Variants in KCNQ5 observed in about 807,000 individuals in gnomAD.
KCNQ5 encodes potassium voltage-gated channel subfamily KQT member 5.
In KCNQ5, 30 loss-of-function variants were observed where a neutral mutation model predicts 98.2. The observed-to-expected ratio is 0.31, with a 90% CI of 0.23 to 0.41. The LOEUF is 0.41. KCNQ5 is among the 10% of genes least tolerant of loss of function. The pLI is 1.00. For synonymous variants in KCNQ5, 458 were observed against 449.4 expected (o/e 1.02, Z -0.24); for missense variants, 835 against 1,182.5 (o/e 0.71, Z 4.31).
At chr6:72,914,922 C>A (rs1388712832) in intron 1 of KCNQ5, among the ~76,000 whole-genome samples, 1 of 152,020 alleles carries the variant, frequency 6.6e-6, no homozygotes, top group African/African-American at 2.4e-5. Flanking sequence ...ACATGCAAAA[C>A]CCAGACCAAA....
chr6:72,963,408 TCA>T (rs569841202), intron 1 of KCNQ5, among the ~76,000 whole-genome samples: 3 of 152,226 alleles, frequency 2.0e-5, no homozygotes, highest in Non-Finnish European at 4.4e-5. Flanking sequence ...TGAACAAACC[TCA>T]GTCTTACTGG....
chr6:73,038,625 A>T (rs1180013411), intron 2 of KCNQ5, among the ~76,000 whole-genome samples: 5 of 150,946 alleles, frequency 3.3e-5, no homozygotes, highest in Non-Finnish European at 5.9e-5. Context: ...AATTTATATG[A>T]TTTTTTTTTA....
intron 11 of KCNQ5, among the ~76,000 whole-genome samples, chr6:73,170,566 C>CCAAA (rs1491195305): frequency 2.2e-3 from 299 of 136,742 alleles, no homozygotes; most frequent in African/African-American, 6.6e-3. Context: ...AACTATATTG[C>CCAAA]AAAAAAAAAA....
chr6:73,015,464 A>G (rs906368668), intron 2 of KCNQ5, among the ~76,000 whole-genome samples: 1 of 152,274 alleles, frequency 6.6e-6, no homozygotes, highest in Admixed American at 6.5e-5. Context: ...AGCTAAAGAT[A>G]ATGATTGTGC....
intron 9 of KCNQ5, among the ~76,000 whole-genome samples, chr6:73,125,915 C>A (rs1239833036): frequency 6.6e-6 from 1 of 152,006 alleles, no homozygotes; most frequent in Non-Finnish European, 1.5e-5. Context: ...ACCTAAGAAA[C>A]GTTTTTGACC....
At chr6:72,766,389 C>T (rs772680084) in intron 1 of KCNQ5, among the ~76,000 whole-genome samples, 16 of 151,798 alleles carry the variant, frequency 1.1e-4, no homozygotes, top group Non-Finnish European at 2.1e-4. Flanking sequence ...CATCGGAAGG[C>T]TTTGAAAAAG....
chr6:73,102,301 C>A (rs528879823), intron 5 of KCNQ5, among the ~76,000 whole-genome samples: 6 of 151,996 alleles, frequency 3.9e-5, no homozygotes, highest in Admixed American at 3.9e-4. Context: ...GAAACTACTA[C>A]AAGAAAACAT....
Position 72,645,063 on chromosome 6 carries a change from G to T in KCNQ5, c.398+22476G>T, listed in dbSNP as rs187874322. 5.0e-3 allele frequency among the ~76,000 whole-genome samples: 767 copies of T among 152,012 alleles called. 8 individuals are homozygous for T. Among genetic ancestry groups the T allele is most frequent in the Non-Finnish European group, 7.6e-3 (518 of 67,956 alleles). On this transcript the variant is annotated intron_variant, in intron 1 of 13. Coordinates refer to ENST00000370398, the MANE Select transcript of KCNQ5 (RefSeq NM_019842.4). ...ATGGCCTGGACTTTGGGTACCTTTT[G>T]TCTGTCAAATACTCTTACTTAGGGG...
chr6:73,198,653 A>G lies in KCNQ5; in HGVS notation c.*3239A>G, dbSNP rs1411519262. On this transcript the variant is annotated 3_prime_UTR_variant, in exon 14 of 14. Coordinates refer to ENST00000370398, the MANE Select transcript of KCNQ5 (RefSeq NM_019842.4). ...TGACATGGTTGTGTTTTTGTAAGAG[A>G]AACTTAATCTAATCTAATAATGTGC... 1 of 152,246 alleles carries G rather than the reference A, an allele frequency of 6.6e-6. No homozygotes were observed. The highest frequency in any genetic ancestry group is 2.4e-5 in the African/African-American group (1 of 41,458). 9.4% of individuals were successfully genotyped at this position (152,246 alleles called of 1,614,324 possible).
rs1319078748 is a variant in KCNQ5 at position 73,194,875 on chromosome 6, C to A, written c.2260C>A (p.Leu754Ile). ...AACAACTTTACAGATCCCACCTCCT[C>A]TCCCAGCCATCAAGCATCTGCCCAG... ...APTTLQIPPPLPAIKHLPRPE... is the reference protein window; with the variant it reads ...APTTLQIPPPIPAIKHLPRPE... Residue 754 changes from leucine to isoleucine, a missense_variant, in exon 14 of 14, where the codon CTC (leucine) becomes ATC (isoleucine). Leu to Ile is a conservative substitution (Grantham distance 5, BLOSUM62 2). Coordinates refer to ENST00000370398, the MANE Select transcript of KCNQ5 (RefSeq NM_019842.4). 1 of 1,614,192 alleles carries A rather than the reference C, an allele frequency of 6.2e-7. No individual in the cohort carries two copies. Among genetic ancestry groups the A allele is most frequent in the East Asian group, 2.2e-5 (1 of 44,892 alleles).
At chr6:73,123,299 G>T (rs1316626907) in intron 8 of KCNQ5, among the ~76,000 whole-genome samples, 1 of 152,076 alleles carries the variant, frequency 6.6e-6, no homozygotes, top group Non-Finnish European at 1.5e-5. Flanking sequence ...TTTCAAATAG[G>T]TGGCCAGGGG....
intron 1 of KCNQ5, among the ~76,000 whole-genome samples, chr6:72,969,840 G>C (rs566023539): frequency 6.6e-6 from 1 of 152,234 alleles, no homozygotes; most frequent in East Asian, 1.9e-4. Context: ...ACACTCCCAG[G>C]AATTCAGGTA....
chr6:72,941,899 T>C (rs1766332099), intron 1 of KCNQ5, among the ~76,000 whole-genome samples: 1 of 152,112 alleles, frequency 6.6e-6, no homozygotes, highest in African/African-American at 2.4e-5. Context: ...ACCTCATTAA[T>C]GAATGTGTAA....
chr6:73,190,479 C>A, intron 11 of KCNQ5, 94 bp from the exon 12 acceptor site: 1 of 606,120 alleles, frequency 1.6e-6, no homozygotes, highest in Non-Finnish European at 2.5e-6. Flanking sequence ...TGACTTTTCC[C>A]CCCAGAGTTT....
At chr6:72,961,178 A>G (rs1767325019) in intron 1 of KCNQ5, among the ~76,000 whole-genome samples, 1 of 151,786 alleles carries the variant, frequency 6.6e-6, no homozygotes, top group Non-Finnish European at 1.5e-5. Context: ...TGAAAAGTAA[A>G]TATAATGTGG....
At position 73,196,216 on chromosome 6, in the gene KCNQ5, A is replaced by C. The variant is rs1442565995; in HGVS notation, c.*802A>C. 3 of 152,306 alleles carry C rather than the reference A, an allele frequency of 2.0e-5. No homozygotes were observed. Among genetic ancestry groups the C allele is most frequent in the Non-Finnish European group, 4.4e-5 (3 of 68,078 alleles). The allele number at this position is 152,306 out of a possible 1,614,324, so 9.4% of individuals were successfully genotyped here. A position where few individuals can be genotyped will look rare whatever the true frequency, so the allele number is the denominator to read the frequency against. ...TGAAATACTGGTCAGTAGAACAGCC[A>C]TTGTGATTGGACTGGTTTCTCTGCA... is the stretch of plus-strand genomic sequence containing the variant. On this transcript the variant is annotated 3_prime_UTR_variant, in exon 14 of 14. Transcript: ENST00000370398.
intron 1 of KCNQ5, among the ~76,000 whole-genome samples, chr6:72,685,943 G>T (rs991427845): frequency 2.0e-5 from 3 of 152,136 alleles, no homozygotes; most frequent in Non-Finnish European, 2.9e-5. Flanking sequence ...CTTAGTGAGG[G>T]TCCTCTTCTT....
intron 1 of KCNQ5, among the ~76,000 whole-genome samples, chr6:72,730,977 G>A (rs1770525750): frequency 6.6e-6 from 1 of 152,090 alleles, no homozygotes; most frequent in Non-Finnish European, 1.5e-5. Context: ...TCCCTTAGAA[G>A]CATCTTAAAA....
chr6:72,718,533 C>A (rs1664016594), intron 1 of KCNQ5, among the ~76,000 whole-genome samples: 2 of 145,678 alleles, frequency 1.4e-5, no homozygotes, highest in South Asian at 4.5e-4. Context: ...TTACTGCAAC[C>A]TCCGCCTCCC....
Sources: allele counts gnomAD v4.1 joint callset (sites outside exome capture counted in the v4.1 genomes callset), GRCh38; gene constraint gnomAD v4.1.1; transcripts MANE v1.5; gene names NCBI Gene and HGNC (gene_info 2026-07-23, HGNC 2026-07-21).